The following LIN37 variants were observed in gnomAD, a reference collection of about 807,000 sequenced individuals.
LIN37 encodes the protein protein lin-37 homolog.
LIN37 carries 21 observed loss-of-function variants against 38.0 expected under a neutral mutation model. The observed-to-expected ratio is 0.55, with a 90% CI of 0.39 to 0.80. LIN37 has a LOEUF of 0.80. Among genes scored for constraint, LIN37 ranks in the 30% least tolerant of loss-of-function variants. LIN37 has a pLI of 0.00. For synonymous variants in LIN37, 126 were observed against 122.9 expected (o/e 1.03, Z -0.17); for missense variants, 273 against 338.5 (o/e 0.81, Z 1.52).
At chr19:35,751,127 C>A (rs1274208863) in intron 1 of LIN37, among the ~76,000 whole-genome samples, 1 of 152,038 alleles carries the variant, frequency 6.6e-6, no homozygotes, top group East Asian at 1.9e-4. Context: ...TTGAGACCAG[C>A]CTGGTCAACG....
At chr19:35,752,379 C>T in intron 2 of LIN37, 55 bp from the exon 3 acceptor site, 9 of 1,601,290 alleles carry the variant, frequency 5.6e-6, no homozygotes, top group Non-Finnish European at 6.8e-6. Context: ...CTGCTCGGTG[C>T]CTTCCTTCTC....
chr19:35,748,779 G>T (rs1238668408), intron 1 of LIN37, 21 bp downstream of exon 1: 1 of 1,613,684 alleles, frequency 6.2e-7, no homozygotes, highest in South Asian at 1.1e-5. Context: ...TGACGTCGGG[G>T]GCCTGTCGGG....
chr19:35,753,267 T>G lies in LIN37; in HGVS notation c.444+14T>G. 6.5e-7 allele frequency: 1 copy of G among 1,544,080 alleles called. No homozygotes were observed. The highest frequency in any genetic ancestry group is 8.7e-7 in the Non-Finnish European group (1 of 1,147,074). ...GAGGATGAGGAGGTGGGATGGGTAGTGGGTCCCAGCCCAGCAGCCTGGTGC... is the reference window on the plus strand; with the variant it reads ...GAGGATGAGGAGGTGGGATGGGTAGGGGGTCCCAGCCCAGCAGCCTGGTGC... On this transcript the variant is annotated intron_variant, in intron 6 of 8. Coordinates refer to ENST00000301159, the MANE Select transcript of LIN37 (RefSeq NM_019104.3).
intron 1 of LIN37, among the ~76,000 whole-genome samples, chr19:35,749,933 G>A (rs892008768): frequency 1.3e-4 from 20 of 152,172 alleles, no homozygotes; most frequent in African/African-American, 3.6e-4. Context: ...CCACCCCTGG[G>A]TGCTGTGGAG....
chr19:35,750,855 G>T (rs1970672682), intron 1 of LIN37, among the ~76,000 whole-genome samples: 1 of 152,094 alleles, frequency 6.6e-6, no homozygotes, highest in African/African-American at 2.4e-5. Flanking sequence ...CAGTTCTTTG[G>T]GAGGCTGAGG....
chr19:35,752,671 G>A (rs1324913031), intron 3 of LIN37, 133 bp from the exon 4 acceptor site: 1 of 1,333,334 alleles, frequency 7.5e-7, no homozygotes, highest in Non-Finnish European at 1.1e-6. Flanking sequence ...CCATGGGTAT[G>A]GGTGGGACAA....
At chr19:35,749,502 CAA>C (rs1188858956) in intron 1 of LIN37, among the ~76,000 whole-genome samples, 4 of 151,882 alleles carry the variant, frequency 2.6e-5, no homozygotes, top group Non-Finnish European at 5.9e-5. Flanking sequence ...GTTATTAAAA[CAA>C]AGTGGGAGGC....
In LIN37 at chr19:35,748,607, G is replaced by C; in HGVS notation, c.-118G>C. On this transcript the variant is annotated 5_prime_UTR_variant, in exon 1 of 9. Coordinates refer to ENST00000301159, the MANE Select transcript of LIN37 (RefSeq NM_019104.3). The stretch of plus-strand genomic sequence containing the variant: ...CAGGCTGGACACAACCAAAGGCGGA[G>C]GACCCGTGGCCCACGAAGCTCATCT... The C allele has an allele frequency of 7.1e-7, 1 of 1,399,238 alleles. No homozygotes were observed. The highest frequency in any genetic ancestry group is 1.2e-5 in the South Asian group (1 of 86,568). The allele number at this position is 1,399,238 out of a possible 1,614,324, so 86.7% of individuals were successfully genotyped here. A position where few individuals can be genotyped will look rare whatever the true frequency, so the allele number is the denominator to read the frequency against.
intron 5 of LIN37, 29 bp from the exon 6 acceptor site, chr19:35,753,058 T>C: frequency 6.3e-7 from 1 of 1,596,178 alleles, no homozygotes; most frequent in Non-Finnish European, 8.5e-7. Flanking sequence ...GCAAGGATGC[T>C]CACACACCTC....
Position 35,752,481 on chromosome 19 carries a change from A to G in LIN37, c.158A>G (p.Asn53Ser). The G allele has an allele frequency of 6.2e-7, 1 of 1,613,920 alleles. No homozygotes were observed. The highest frequency in any genetic ancestry group is 8.5e-7 in the Non-Finnish European group (1 of 1,179,836). Residue 53 changes from asparagine to serine, a missense_variant, in exon 3 of 9, where the codon AAT becomes AGT. By Grantham distance (46) the Asn-to-Ser change is conservative (BLOSUM62 1). Transcript: ENST00000301159. ...EAGKTPSDTHNKDCSIAATGK... is the reference protein window; with the variant it reads ...EAGKTPSDTHSKDCSIAATGK... The stretch of plus-strand genomic sequence containing the variant: ...GGGAAAACACCCTCAGACACCCACA[A>G]TAAGTGAGTTTTTCTGATTGGATTT...
intron 6 of LIN37, chr19:35,753,492 T>TC: frequency 1.6e-6 from 1 of 607,968 alleles, no homozygotes; most frequent in Middle Eastern, 2.9e-4. Context: ...CCCTGGACAG[T>TC]TAGATGTGGA....
intron 6 of LIN37, chr19:35,753,650 G>A (rs1292632850): frequency 6.1e-6 from 3 of 489,504 alleles, no homozygotes; most frequent in African/African-American, 3.9e-5. Context: ...GTAGACAAGG[G>A]TCCCCAGGAC....
intron 6 of LIN37, 120 bp downstream of exon 6, chr19:35,753,373 C>T (rs187178934): frequency 2.5e-6 from 3 of 1,193,662 alleles, no homozygotes; most frequent in Non-Finnish European, 2.4e-6. Context: ...CACGTGAATC[C>T]TGGATCAGGC....
intron 6 of LIN37, 132 bp from the exon 7 acceptor site, chr19:35,753,885 G>A: frequency 9.8e-7 from 1 of 1,019,946 alleles, no homozygotes; most frequent in South Asian, 1.5e-5. Context: ...CTTCATACAT[G>A]CCTCCTGTCT....
chr19:35,752,873 C>A, intron 4 of LIN37, 40 bp downstream of exon 4: 1 of 1,597,342 alleles, frequency 6.3e-7, no homozygotes. Context: ...TAGAGGCTCC[C>A]AGCTCCTACC....
chr19:35,752,538 T>C, intron 3 of LIN37, 54 bp downstream of exon 3: 1 of 1,586,874 alleles, frequency 6.3e-7, no homozygotes, highest in Non-Finnish European at 8.6e-7. Flanking sequence ...GTAACTTCTT[T>C]CCTTATCCAA....
intron 4 of LIN37, 30 bp downstream of exon 4, chr19:35,752,863 T>C: frequency 1.2e-6 from 2 of 1,601,532 alleles, no homozygotes; most frequent in South Asian, 1.1e-5. Context: ...GCCAGCTGAC[T>C]AGAGGCTCCC....
chr19:35,752,065 G>A, intron 1 of LIN37, 111 bp from the exon 2 acceptor site: 1 of 768,556 alleles, frequency 1.3e-6, no homozygotes, highest in Non-Finnish European at 2.2e-6. Context: ...CCTGGGCCTG[G>A]CTCTGAGATT....
At chr19:35,753,035 G>A in intron 5 of LIN37, 36 bp downstream of exon 5, 1 of 1,579,848 alleles carries the variant, frequency 6.3e-7, no homozygotes, top group Non-Finnish European at 8.6e-7. Flanking sequence ...TCGGTAAGGA[G>A]CCAAGGGCCT....
Sources: gnomAD v4.1 joint callset for allele counts (sites outside exome capture counted in the v4.1 genomes callset) on GRCh38, gnomAD v4.1.1 for gene constraint, MANE v1.5 for transcripts, NCBI Gene and HGNC (gene_info 2026-07-23, HGNC 2026-07-21) for gene names.